Variants in CCAR1 observed in about 807,000 individuals in gnomAD.
CCAR1 encodes the protein cell division cycle and apoptosis regulator 1.
In CCAR1, 78 loss-of-function variants were observed where a neutral mutation model predicts 163.8. The observed-to-expected ratio is 0.48, with a 90% CI of 0.40 to 0.57. The LOEUF is 0.57. CCAR1 is among the 20% of genes least tolerant of loss of function. The probability of loss-of-function intolerance (pLI) is 0.00; values close to 1 mark genes in which losing one functional copy is unlikely to be tolerated. For synonymous variants in CCAR1, 443 were observed against 460.7 expected (o/e 0.96, Z 0.49); for missense variants, 1,019 against 1,365.2 (o/e 0.75, Z 4.00).
intron 2 of CCAR1, 95 bp downstream of exon 2, chr10:68,722,672 C>G (rs1214964557): frequency 2.2e-6 from 2 of 922,702 alleles, no homozygotes; most frequent in East Asian, 4.9e-5. Flanking sequence ...CGCCTGTTAT[C>G]CTAGCACTTT....
At chr10:68,727,560 T>G (rs2055967265) in intron 2 of CCAR1, among the ~76,000 whole-genome samples, 1 of 152,162 alleles carries the variant, frequency 6.6e-6, no homozygotes, top group Non-Finnish European at 1.5e-5. Flanking sequence ...TCTAGGATGG[T>G]ATTCAAGGTC....
At chr10:68,742,893 C>G (rs375889477) in intron 6 of CCAR1, among the ~76,000 whole-genome samples, 3 of 152,188 alleles carry the variant, frequency 2.0e-5, no homozygotes, top group African/African-American at 7.2e-5. Flanking sequence ...GCTGGGATTA[C>G]AGGCGTGAGA....
intron 15 of CCAR1, among the ~76,000 whole-genome samples, chr10:68,758,952 G>A (rs901705760): frequency 2.6e-5 from 4 of 152,044 alleles, no homozygotes; most frequent in Admixed American, 2.6e-4. Flanking sequence ...GATTACAGAT[G>A]TGATCCTCCT....
chr10:68,741,081 T>G (rs2056177448), intron 5 of CCAR1, among the ~76,000 whole-genome samples: 1 of 151,592 alleles, frequency 6.6e-6, no homozygotes, highest in South Asian at 2.1e-4. Flanking sequence ...GCCTGGCTGA[T>G]TTTTGTATTT....
Position 68,747,034 on chromosome 10 carries a change from T to G in CCAR1, c.519-127T>G. 7.2e-6 allele frequency: 4 copies of G among 557,034 alleles called. No homozygotes were observed. The Admixed American group carries it at 1.1e-4, about 15-fold the overall frequency. 34.5% of individuals were successfully genotyped at this position (557,034 alleles called of 1,614,324 possible). A position where few individuals can be genotyped will look rare whatever the true frequency, so the allele number is the denominator to read the frequency against. On this transcript the variant is annotated intron_variant, in intron 6 of 24. Coordinates refer to ENST00000265872, the MANE Select transcript of CCAR1 (RefSeq NM_018237.4). Reference sequence around the variant, plus strand: ...GCTTTCCAGGCTTCCATTTCTGATATAGTTTACTGTTTATTTTTTTTTGAG... The same window carrying G: ...GCTTTCCAGGCTTCCATTTCTGATAGAGTTTACTGTTTATTTTTTTTTGAG...
In CCAR1 at chr10:68,722,471, A is replaced by G. The variant is rs1459117302; in HGVS notation, c.-34A>G. On this transcript the variant is annotated 5_prime_UTR_variant, in exon 2 of 25. Transcript: ENST00000265872. Reference sequence around the variant, plus strand: ...TCTTGATAGATCGATGCTATAGAAGACAAACAAGGGAAGGTTTTTTTTCCT... The same window carrying G: ...TCTTGATAGATCGATGCTATAGAAGGCAAACAAGGGAAGGTTTTTTTTCCT... 1.3e-6 allele frequency: 2 copies of G among 1,566,430 alleles called. No individual in the cohort carries two copies. Among genetic ancestry groups the G allele is most frequent in the East Asian group, 2.2e-5 (1 of 44,604 alleles).
At chr10:68,789,012 C>T (rs146604468) in intron 23 of CCAR1, among the ~76,000 whole-genome samples, 2 of 151,370 alleles carry the variant, frequency 1.3e-5, no homozygotes, top group East Asian at 2.0e-4. Context: ...CAAGTTCAAG[C>T]GATTCTCCTG....
chr10:68,736,698 CA>C lies in CCAR1; in HGVS notation c.74-177del, dbSNP rs549372149. Reference sequence around the variant, plus strand: ...AGTATTCCCTTGTGCATATATACCACATTTTCTTTATCCAGTTGTTCATTGA... The same window carrying C: ...AGTATTCCCTTGTGCATATATACCACTTTTCTTTATCCAGTTGTTCATTGA... On this transcript the variant is annotated intron_variant, in intron 2 of 24. Coordinates refer to ENST00000265872, the MANE Select transcript of CCAR1 (RefSeq NM_018237.4). Among the ~76,000 whole-genome samples, 5 of 152,262 alleles carry C rather than the reference CA, an allele frequency of 3.3e-5. No individual in the cohort carries two copies. The East Asian group carries it at 9.6e-4, about 29-fold the overall frequency.
chr10:68,775,486 A>C (rs2056652614), intron 19 of CCAR1, among the ~76,000 whole-genome samples: 1 of 142,936 alleles, frequency 7.0e-6, no homozygotes, highest in Non-Finnish European at 1.5e-5. Context: ...TCCAGCTGTC[A>C]GCCTCATTTT....
intron 21 of CCAR1, 47 bp downstream of exon 21, chr10:68,786,739 T>C: frequency 6.7e-7 from 1 of 1,500,894 alleles, no homozygotes; most frequent in Non-Finnish European, 9.0e-7. Flanking sequence ...TTTTAAAAGT[T>C]ACCTTTCCAG....
chr10:68,745,255 C>T (rs754986605), intron 6 of CCAR1, among the ~76,000 whole-genome samples: 44 of 152,134 alleles, frequency 2.9e-4, no homozygotes, highest in Non-Finnish European at 6.2e-4. Flanking sequence ...ATCCACCCAT[C>T]TCAGCCTCCC....
chr10:68,785,522 G>A (rs61869871), intron 19 of CCAR1, among the ~76,000 whole-genome samples: 15,118 of 152,134 alleles, frequency 0.099, 938 homozygotes, highest in South Asian at 0.16. Flanking sequence ...GTACCTGGCT[G>A]TAAACATAAT....
intron 19 of CCAR1, among the ~76,000 whole-genome samples, chr10:68,780,465 T>A (rs769662804): frequency 6.6e-6 from 1 of 152,248 alleles, no homozygotes; most frequent in Non-Finnish European, 1.5e-5. Context: ...AGCGATGTGA[T>A]GACAGGTATG....
At chr10:68,790,733 G>A (rs1047569543) in intron 24 of CCAR1, among the ~76,000 whole-genome samples, 16 of 151,912 alleles carry the variant, frequency 1.1e-4, no homozygotes, top group South Asian at 2.1e-4. Context: ...TTCAGACCGG[G>A]CGCGGTGGCT....
At chr10:68,732,086 A>G (rs767274456) in intron 2 of CCAR1, among the ~76,000 whole-genome samples, 6 of 152,168 alleles carry the variant, frequency 3.9e-5, no homozygotes, top group Non-Finnish European at 7.3e-5. Context: ...GCAACTGTCA[A>G]TACTTCCCAG....
intron 19 of CCAR1, among the ~76,000 whole-genome samples, chr10:68,785,074 T>C (rs12765308): frequency 0.1 from 15,084 of 151,592 alleles, 932 homozygotes; most frequent in South Asian, 0.16. Context: ...CCGGCCACCA[T>C]GCCAGGCTAA....
At chr10:68,784,604 A>G (rs920656659) in intron 19 of CCAR1, among the ~76,000 whole-genome samples, 10 of 152,170 alleles carry the variant, frequency 6.6e-5, no homozygotes, top group Non-Finnish European at 1.2e-4. Context: ...GGCTGAGTGC[A>G]GAGGTGCAGT....
chr10:68,789,923 AT>A lies in CCAR1; in HGVS notation c.3393+12del. ...CACACTGTTCTCAAGAAGGTGAGAA[AT>A]TTTGTACTTTTAACATTTTCTTAGT... On this transcript the variant is annotated intron_variant, in intron 24 of 24. Coordinates refer to ENST00000265872, the MANE Select transcript of CCAR1 (RefSeq NM_018237.4). The A allele has an allele frequency of 1.3e-6, 2 of 1,512,776 alleles. No homozygotes were observed. Among genetic ancestry groups the A allele is most frequent in the Non-Finnish European group, 1.8e-6 (2 of 1,124,106 alleles). 93.7% of individuals were successfully genotyped at this position (1,512,776 alleles called of 1,614,324 possible).
chr10:68,757,615 A>C (rs920302783), intron 15 of CCAR1, among the ~76,000 whole-genome samples: 3 of 151,530 alleles, frequency 2.0e-5, no homozygotes, highest in Admixed American at 6.6e-5. Context: ...AAGGTTTCAG[A>C]ATGTTGGCCA....
Sources: allele counts gnomAD v4.1 joint callset (sites outside exome capture counted in the v4.1 genomes callset), GRCh38; gene constraint gnomAD v4.1.1; transcripts MANE v1.5; gene names NCBI Gene and HGNC (gene_info 2026-07-23, HGNC 2026-07-21).